The following CTNND2 variants were observed in gnomAD, a reference collection of about 807,000 sequenced individuals.
CTNND2 encodes the protein catenin delta 2, also known as catenin delta-2.
In CTNND2, 22 loss-of-function variants were observed where a neutral mutation model predicts 144.4. That is an observed-to-expected ratio of 0.15 (90% CI 0.11 to 0.22). The LOEUF (loss-of-function observed/expected upper bound fraction) is 0.22, where lower values mean the gene tolerates loss of function less well. CTNND2 is among the 10% of genes least tolerant of loss of function. The pLI is 1.00. For synonymous variants in CTNND2, 751 were observed against 695.6 expected (o/e 1.08, Z -1.25); for missense variants, 1,353 against 1,618.8 (o/e 0.84, Z 2.82).
chr5:11,074,948 G>A (rs1187910606), intron 16 of CTNND2, among the ~76,000 whole-genome samples: 1 of 150,750 alleles, frequency 6.6e-6, no homozygotes, highest in Admixed American at 6.6e-5. Context: ...AATTCCCCCT[G>A]CCCACCCCCC....
intron 1 of CTNND2, among the ~76,000 whole-genome samples, chr5:11,872,867 T>C (rs1735263340): frequency 6.6e-6 from 1 of 152,170 alleles, no homozygotes; most frequent in Non-Finnish European, 1.5e-5. Flanking sequence ...ATTAAAGACT[T>C]CAACATAAAT....
intron 6 of CTNND2, among the ~76,000 whole-genome samples, chr5:11,386,625 ATATG>A (rs1396330579): frequency 3.3e-5 from 5 of 152,208 alleles, no homozygotes; most frequent in African/African-American, 1.2e-4. Context: ...ATGTGTATGC[ATATG>A]TATTTATGTA....
intron 10 of CTNND2, among the ~76,000 whole-genome samples, chr5:11,218,349 C>T (rs911959221): frequency 6.6e-6 from 1 of 152,152 alleles, no homozygotes; most frequent in Non-Finnish European, 1.5e-5. Context: ...CTGGTGCCAA[C>T]TCTGACAGTC....
At chr5:11,153,869 A>G (rs1301001133) in intron 12 of CTNND2, among the ~76,000 whole-genome samples, 1 of 152,190 alleles carries the variant, frequency 6.6e-6, no homozygotes, top group Non-Finnish European at 1.5e-5. Flanking sequence ...CTTCAGCTGG[A>G]GATAAAGTCC....
At chr5:11,538,534 C>T (rs1366477857) in intron 3 of CTNND2, among the ~76,000 whole-genome samples, 1 of 152,100 alleles carries the variant, frequency 6.6e-6, no homozygotes, top group African/African-American at 2.4e-5. Flanking sequence ...AGTCTTAATC[C>T]CAAAGAGTAA....
chr5:11,862,373 G>T (rs116184380), intron 1 of CTNND2, among the ~76,000 whole-genome samples: 3 of 152,008 alleles, frequency 2.0e-5, no homozygotes, highest in African/African-American at 7.2e-5. Flanking sequence ...ATTTTGGGAC[G>T]GTTCCCTCTC....
At chr5:11,838,299 G>A (rs948222170) in intron 1 of CTNND2, among the ~76,000 whole-genome samples, 3 of 152,054 alleles carry the variant, frequency 2.0e-5, no homozygotes, top group African/African-American at 4.8e-5. Context: ...CCAGCTCTGC[G>A]TTTTTAGATT....
At chr5:11,799,648 T>A (rs1028504027) in intron 1 of CTNND2, among the ~76,000 whole-genome samples, 2 of 152,310 alleles carry the variant, frequency 1.3e-5, no homozygotes, top group Non-Finnish European at 2.9e-5. Context: ...TATCCCCCCC[T>A]TGCTCTGTCC....
intron 16 of CTNND2, among the ~76,000 whole-genome samples, chr5:11,025,809 T>G (rs1458675777): frequency 6.6e-6 from 1 of 152,228 alleles, no homozygotes; most frequent in Admixed American, 6.5e-5. Context: ...TCTAAACACT[T>G]GAAAGAGCTA....
At chr5:11,084,003 T>C (rs1435927646) in intron 15 of CTNND2, 2 of 1,008,380 alleles carry the variant, frequency 2.0e-6, no homozygotes, top group Admixed American at 5.5e-5. Context: ...TGTCCTACAT[T>C]AGAAATCACA....
intron 18 of CTNND2, among the ~76,000 whole-genome samples, chr5:11,002,923 T>G (rs1740101743): frequency 6.6e-6 from 1 of 152,216 alleles, no homozygotes; most frequent in Non-Finnish European, 1.5e-5. Context: ...ACTTTGAAAA[T>G]GAACAATGCT....
intron 1 of CTNND2, among the ~76,000 whole-genome samples, chr5:11,747,948 A>G (rs1212781778): frequency 6.6e-6 from 1 of 152,126 alleles, no homozygotes; most frequent in Non-Finnish European, 1.5e-5. Flanking sequence ...TTCTCAAGAT[A>G]CCGAAGCTCA....
At chr5:11,148,414 G>C (rs1757445256) in intron 12 of CTNND2, among the ~76,000 whole-genome samples, 1 of 152,244 alleles carries the variant, frequency 6.6e-6, no homozygotes, top group African/African-American at 2.4e-5. Context: ...GGTCATAACA[G>C]AAGGTGTTGC....
intron 1 of CTNND2, among the ~76,000 whole-genome samples, chr5:11,743,391 G>C (rs544470143): frequency 6.6e-6 from 1 of 152,186 alleles, no homozygotes; most frequent in South Asian, 2.1e-4. Flanking sequence ...CCTAGGACTA[G>C]TTTAAGACTT....
intron 16 of CTNND2, among the ~76,000 whole-genome samples, chr5:11,039,449 C>A (rs554472918): frequency 2.2e-4 from 33 of 152,358 alleles, no homozygotes; most frequent in African/African-American, 7.5e-4. Flanking sequence ...CACCAACCCT[C>A]TGGATTGATC....
intron 1 of CTNND2, among the ~76,000 whole-genome samples, chr5:11,834,131 G>A (rs1794049805): frequency 6.6e-6 from 1 of 151,982 alleles, no homozygotes; most frequent in Non-Finnish European, 1.5e-5. Context: ...GAACCTTGGG[G>A]AAATAAAATA....
intron 2 of CTNND2, among the ~76,000 whole-genome samples, chr5:11,593,941 G>T (rs1779381171): frequency 6.6e-6 from 1 of 152,162 alleles, no homozygotes; most frequent in Non-Finnish European, 1.5e-5. Context: ...CAAGTATTGG[G>T]TGTTATTGGA....
At chr5:11,864,113 T>C (rs1795628832) in intron 1 of CTNND2, among the ~76,000 whole-genome samples, 2 of 152,120 alleles carry the variant, frequency 1.3e-5, no homozygotes, top group South Asian at 4.2e-4. Flanking sequence ...TTGACTTGCT[T>C]TGTCTTCCTC....
chr5:11,173,499 T>A (rs1473296542), intron 11 of CTNND2, among the ~76,000 whole-genome samples: 1 of 152,196 alleles, frequency 6.6e-6, no homozygotes. Context: ...GAAACCTTGA[T>A]GAGAGCTGAT....
Sources: allele counts gnomAD v4.1 joint callset (sites outside exome capture counted in the v4.1 genomes callset), GRCh38; gene constraint gnomAD v4.1.1; transcripts MANE v1.5; gene names NCBI Gene and HGNC (gene_info 2026-07-23, HGNC 2026-07-21).